Variants in ANKS1B observed in about 807,000 individuals in gnomAD.
ANKS1B encodes the protein ankyrin repeat and sterile alpha motif domain containing 1B.
In ANKS1B, 36 loss-of-function variants were observed where a neutral mutation model predicts 148.3. The ratio of observed to expected loss-of-function variants is 0.24; its 90% CI spans 0.19 to 0.32. The LOEUF (loss-of-function observed/expected upper bound fraction) is 0.32, where lower values mean the gene tolerates loss of function less well. ANKS1B is among the 10% of genes least tolerant of loss of function. ANKS1B has a pLI of 1.00. For synonymous variants in ANKS1B, 542 were observed against 560.8 expected (o/e 0.97, Z 0.47); for missense variants, 1,157 against 1,542.6 (o/e 0.75, Z 4.19).
intron 12 of ANKS1B, among the ~76,000 whole-genome samples, chr12:99,331,319 TAAATGTC>T (rs1362214636): frequency 1.3e-5 from 2 of 151,992 alleles, no homozygotes; most frequent in Admixed American, 1.3e-4. Flanking sequence ...CTAGTAGCAG[TAAATGTC>T]AAAATTCACC....
intron 4 of ANKS1B, among the ~76,000 whole-genome samples, chr12:99,789,246 C>A (rs906567563): frequency 6.6e-6 from 1 of 152,110 alleles, no homozygotes; most frequent in Non-Finnish European, 1.5e-5. Context: ...CACATCTTAT[C>A]CAAGACCACC....
intron 12 of ANKS1B, among the ~76,000 whole-genome samples, chr12:99,326,909 GA>G (rs1175448849): frequency 1.4e-5 from 2 of 147,134 alleles, no homozygotes; most frequent in East Asian, 3.9e-4. Context: ...TGATGCAGAT[GA>G]AACATATATA....
At chr12:99,570,360 C>T (rs1362680009) in intron 9 of ANKS1B, among the ~76,000 whole-genome samples, 3 of 151,382 alleles carry the variant, frequency 2.0e-5, no homozygotes, top group African/African-American at 7.3e-5. Flanking sequence ...AAAATGAAGG[C>T]GGATAGGCCG....
At chr12:99,501,648 T>C (rs181980389) in intron 10 of ANKS1B, among the ~76,000 whole-genome samples, 1 of 152,282 alleles carries the variant, frequency 6.6e-6, no homozygotes, top group African/African-American at 2.4e-5. Flanking sequence ...ATCCTAGTTC[T>C]ATGGAGGAAG....
At chr12:98,932,387 A>T (rs572716615) in intron 17 of ANKS1B, among the ~76,000 whole-genome samples, 1 of 152,318 alleles carries the variant, frequency 6.6e-6, no homozygotes, top group Admixed American at 6.5e-5. Context: ...TAATTCCAGG[A>T]TGCTCAGAAT....
intron 9 of ANKS1B, among the ~76,000 whole-genome samples, chr12:99,551,173 A>T (rs1448278086): frequency 1.3e-5 from 2 of 152,186 alleles, no homozygotes; most frequent in African/African-American, 4.8e-5. Context: ...TAAAACACAG[A>T]GTCTCTGATG....
At chr12:99,555,390 AAT>A (rs1162228560) in intron 9 of ANKS1B, among the ~76,000 whole-genome samples, 3 of 152,160 alleles carry the variant, frequency 2.0e-5, no homozygotes, top group African/African-American at 7.2e-5. Context: ...TTCAAACAGA[AAT>A]AGTTTTACTT....
intron 12 of ANKS1B, among the ~76,000 whole-genome samples, chr12:99,306,029 A>G (rs756835408): frequency 2.0e-5 from 3 of 152,104 alleles, no homozygotes; most frequent in Non-Finnish European, 4.4e-5. Flanking sequence ...CATTTTGACT[A>G]TGCACAAGAA....
chr12:99,693,781 C>CT (rs397851171), intron 8 of ANKS1B, among the ~76,000 whole-genome samples: 22,128 of 132,586 alleles, frequency 0.17, 2,645 homozygotes, highest in East Asian at 0.45. Context: ...ATTTTTTGGA[C>CT]TTTTTTTTTT....
chr12:99,236,296 A>C (rs890872694), intron 14 of ANKS1B, among the ~76,000 whole-genome samples: 3 of 152,160 alleles, frequency 2.0e-5, no homozygotes, highest in East Asian at 3.8e-4. Flanking sequence ...TGTTTTTCAC[A>C]CTGCTGTAAA....
chr12:99,298,061 T>C (rs917185445), intron 12 of ANKS1B, among the ~76,000 whole-genome samples: 1 of 152,200 alleles, frequency 6.6e-6, no homozygotes, highest in African/African-American at 2.4e-5. Context: ...CTAGTCAAAC[T>C]TCCTCTTTCT....
At chr12:99,010,896 C>CTT (rs1364287827) in intron 17 of ANKS1B, among the ~76,000 whole-genome samples, 73 of 113,828 alleles carry the variant, frequency 6.4e-4, no homozygotes, top group African/African-American at 2.4e-3. Flanking sequence ...CAGGTGTGAG[C>CTT]TTTTGTTTTT....
At chr12:99,036,529 C>A (rs1176300423) in intron 17 of ANKS1B, among the ~76,000 whole-genome samples, 3 of 152,184 alleles carry the variant, frequency 2.0e-5, no homozygotes, top group Non-Finnish European at 4.4e-5. Context: ...AGCCCATACC[C>A]ACATGCTTGG....
At position 99,000,546 on chromosome 12, in the gene ANKS1B, G is replaced by A. The variant is rs903104883; in HGVS notation, c.2778+52611C>T. ...GGCCTCCCAAAGTGCTGGGATTACA[G>A]GCATGAGCCACCGTGCTCGGCCAGG... On this transcript the variant is annotated intron_variant, in intron 17 of 26. Transcript: ENST00000683438. 1.1e-4 allele frequency among the ~76,000 whole-genome samples: 17 copies of A among 152,174 alleles called. No homozygotes were observed. The East Asian group carries it at 2.3e-3, about 21-fold the overall frequency.
chr12:99,261,056 C>T (rs2075874448), intron 12 of ANKS1B, among the ~76,000 whole-genome samples: 1 of 152,014 alleles, frequency 6.6e-6, no homozygotes, highest in African/African-American at 2.4e-5. Context: ...GAAATATTAA[C>T]CTAAAGTAAG....
intron 11 of ANKS1B, among the ~76,000 whole-genome samples, chr12:99,431,274 AC>A (rs1011368421): frequency 6.6e-6 from 1 of 152,180 alleles, no homozygotes; most frequent in African/African-American, 2.4e-5. Flanking sequence ...TATCCATCTC[AC>A]GTGGTTTCTC....
intron 14 of ANKS1B, among the ~76,000 whole-genome samples, chr12:99,227,548 T>G (rs1425735691): frequency 6.6e-6 from 1 of 152,182 alleles, no homozygotes; most frequent in Non-Finnish European, 1.5e-5. Context: ...AGGAGAGATG[T>G]CTGATTAAAT....
At chr12:98,776,112 G>C (rs537108638) in intron 24 of ANKS1B, among the ~76,000 whole-genome samples, 43 of 152,342 alleles carry the variant, frequency 2.8e-4, no homozygotes, top group African/African-American at 1.0e-3. Context: ...CCATCACTCT[G>C]CATTGTCTAC....
intron 14 of ANKS1B, among the ~76,000 whole-genome samples, chr12:99,184,341 G>A (rs2079521702): frequency 1.3e-5 from 2 of 152,290 alleles, no homozygotes; most frequent in Admixed American, 6.5e-5. Flanking sequence ...AGGTTTCATG[G>A]TGTGCAAGAT....
Sources: allele counts gnomAD v4.1 joint callset (sites outside exome capture counted in the v4.1 genomes callset), GRCh38; gene constraint gnomAD v4.1.1; transcripts MANE v1.5; gene names NCBI Gene and HGNC (gene_info 2026-07-23, HGNC 2026-07-21).